Variants in PLEKHM2 observed in about 807,000 individuals in gnomAD.
PLEKHM2 encodes the protein pleckstrin homology domain-containing family M member 2.
In PLEKHM2, 77 loss-of-function variants were observed where a neutral mutation model predicts 116.3. The ratio of observed to expected loss-of-function variants is 0.66; its 90% CI spans 0.55 to 0.80. The LOEUF is 0.80. Among genes scored for constraint, PLEKHM2 ranks in the 30% least tolerant of loss-of-function variants. PLEKHM2 has a pLI of 0.00. For synonymous variants in PLEKHM2, 562 were observed against 571.0 expected (o/e 0.98, Z 0.22); for missense variants, 1,183 against 1,354.9 (o/e 0.87, Z 1.99).
rs937376028 is a variant in PLEKHM2 at position 15,728,811 on chromosome 1, C to T, written c.1986+78C>T. ...GCCACTTACCCATAGAACTGCAGGG[C>T]GAGGCACGGCCCCTTACTCCCCTCC... On this transcript the variant is annotated intron_variant, in intron 12 of 19. Transcript: ENST00000375799. The surrounding 1 kb of genome is among the most constrained non-coding windows in gnomAD (Gnocchi z 5.9). 3.4e-5 allele frequency: 45 copies of T among 1,308,126 alleles called. No homozygotes were observed. The highest frequency in any genetic ancestry group is 2.3e-4 in the African/African-American group (16 of 68,364). The allele number at this position is 1,308,126 out of a possible 1,614,324, so 81.0% of individuals were successfully genotyped here. A position where few individuals can be genotyped will look rare whatever the true frequency, so the allele number is the denominator to read the frequency against.
chr1:15,732,295 T>C (rs2068155616), intron 17 of PLEKHM2, 55 bp from the exon 18 acceptor site: 8 of 1,414,480 alleles, frequency 5.7e-6, no homozygotes, highest in South Asian at 2.6e-5. Flanking sequence ...TGTGGACTTC[T>C]GGTGCAGACC....
chr1:15,725,275 G>C (rs779811678), intron 7 of PLEKHM2, 42 bp from the exon 8 acceptor site: 12 of 1,456,896 alleles, frequency 8.2e-6, no homozygotes, highest in Non-Finnish European at 1.1e-5. Context: ...GGGACCCCGG[G>C]GGGTGCCTGA....
chr1:15,695,165 TC>T (rs1281252990), intron 1 of PLEKHM2, among the ~76,000 whole-genome samples: 10 of 152,288 alleles, frequency 6.6e-5, no homozygotes, highest in African/African-American at 1.7e-4. Context: ...ATTCCCTTCC[TC>T]CCCAGATAAC....
At chr1:15,694,490 C>T (rs757355732) in intron 1 of PLEKHM2, among the ~76,000 whole-genome samples, 3 of 152,164 alleles carry the variant, frequency 2.0e-5, no homozygotes, top group Non-Finnish European at 2.9e-5. Flanking sequence ...GCAGCAGGGC[C>T]GGTTGGTTTG....
chr1:15,732,199 G>A (rs1557663924), intron 17 of PLEKHM2, 151 bp downstream of exon 17: 2 of 926,998 alleles, frequency 2.2e-6, no homozygotes, highest in Non-Finnish European at 3.2e-6. Context: ...GAGCTCAGAG[G>A]CATCACCCCC....
intron 1 of PLEKHM2, among the ~76,000 whole-genome samples, chr1:15,713,991 G>A (rs1641391011): frequency 6.6e-6 from 1 of 150,528 alleles, no homozygotes; most frequent in African/African-American, 2.5e-5. Context: ...GCCCAGGCTG[G>A]AGTGCAGTGG....
chr1:15,706,176 T>C (rs916341231), intron 1 of PLEKHM2, among the ~76,000 whole-genome samples: 1 of 152,156 alleles, frequency 6.6e-6, no homozygotes, highest in African/African-American at 2.4e-5. Context: ...ATCAAACTGG[T>C]AATGAAACGC....
rs751266504 is a variant in PLEKHM2, at chr1:15,730,616, T to C, written c.2293T>C (p.Cys765Arg). ...GTCCCTGGGCCCCACGCCCTGCCACTGCTCACCCCCCGAGGGCACCATCAC... is the reference window on the plus strand; with the variant it reads ...GTCCCTGGGCCCCACGCCCTGCCACCGCTCACCCCCCGAGGGCACCATCAC... ...DESLGPTPCH[C>R]SPPEGTITKE... The change falls in exon 15 of 20, where the codon TGC becomes CGC. Residue 765 changes from cysteine (C) to arginine (R), a missense_variant. Cys to Arg is a radical substitution (Grantham distance 180). Coordinates refer to ENST00000375799, the MANE Select transcript of PLEKHM2 (RefSeq NM_015164.4). 2 of 1,608,006 alleles carry C rather than the reference T, an allele frequency of 1.2e-6. No homozygotes were observed. The highest frequency in any genetic ancestry group is 1.7e-6 in the Non-Finnish European group (2 of 1,177,802).
chr1:15,730,447 G>GAAA, intron 14 of PLEKHM2, 85 bp from the exon 15 acceptor site: 21 of 1,005,454 alleles, frequency 2.1e-5, no homozygotes, highest in South Asian at 3.6e-5. Flanking sequence ...ATCTCAAAAA[G>GAAA]AAAAAAAAAG....
chr1:15,733,851 G>A lies in PLEKHM2; in HGVS notation c.2977G>A (p.Asp993Asn). The change falls in exon 20 of 20, where the codon GAT becomes AAT. Residue 993 changes from aspartate (D) to asparagine (N), a missense_variant. Around this residue, in one of 3 missense-constraint regions of PLEKHM2, gnomAD observed 594 missense variants for 720.1 expected, o/e 0.82. Coordinates refer to ENST00000375799, the MANE Select transcript of PLEKHM2 (RefSeq NM_015164.4). The part of the protein sequence containing the change: ...QEASNKKKFE[D>N]ALSLIHSAWQ... ...AGCCTCCAACAAGAAGAAATTCGAG[G>A]ATGCCTTGAGCCTCATCCACAGCGC... is the stretch of plus-strand genomic sequence containing the variant. 6.2e-7 allele frequency: 1 copy of A among 1,613,114 alleles called. No individual in the cohort carries two copies.
chr1:15,716,825 T>A lies in PLEKHM2; in HGVS notation c.277+9T>A. The A allele has an allele frequency of 6.4e-7, 1 of 1,556,300 alleles. No individual in the cohort carries two copies. Among genetic ancestry groups the A allele is most frequent in the East Asian group, 2.4e-5 (1 of 41,326 alleles). On this transcript the variant is annotated intron_variant, in intron 3 of 19. Coordinates refer to ENST00000375799, the MANE Select transcript of PLEKHM2 (RefSeq NM_015164.4). ...CACCAACCTGGGGCGCAGTGAGTAG[T>A]CACAAGGAGACGCTGGGGAAGGGAC...
chr1:15,721,206 A>C lies in PLEKHM2; in HGVS notation c.653-123A>C, dbSNP rs549372184. On this transcript the variant is annotated intron_variant, in intron 6 of 19. Transcript: ENST00000375799. This position sits in a 1 kb window ranked among gnomAD's most constrained non-coding sequence, Gnocchi z 5.1. ...CCAAGGTTGTTGGATACAATGTAGA[A>C]AGTTGAAGTTTTCCTCTCCTATTTT... 3.6e-4 allele frequency: 246 copies of C among 682,930 alleles called. No homozygotes were observed. The African/African-American group carries it at 3.8e-3, about 11-fold the overall frequency. The allele number at this position is 682,930 out of a possible 1,614,324, so 42.3% of individuals were successfully genotyped here.
chr1:15,732,709 G>A lies in PLEKHM2; in HGVS notation c.2903G>A (p.Gly968Glu), dbSNP rs1320812981. 1.2e-6 allele frequency: 2 copies of A among 1,608,504 alleles called. No individual in the cohort carries two copies. The highest frequency in any genetic ancestry group is 4.5e-5 in the East Asian group (2 of 44,762). ...LDRLLSALNSGWKTIYQVDLP... is the reference protein window; with the variant it reads ...LDRLLSALNSEWKTIYQVDLP... ...CGATTGCTGTCTGCACTGAACTCTG[G>A]GTGGAAAACCATCTATCAGGTACCC... Residue 968 changes from glycine (G) to glutamate (E), a missense_variant, in exon 19 of 20, where the codon GGG (glycine) becomes GAG (glutamate). Coordinates refer to ENST00000375799, the MANE Select transcript of PLEKHM2 (RefSeq NM_015164.4).
chr1:15,700,565 A>G (rs1446366305), intron 1 of PLEKHM2, among the ~76,000 whole-genome samples: 2 of 152,196 alleles, frequency 1.3e-5, no homozygotes, highest in East Asian at 1.9e-4. Context: ...TCATTCACTG[A>G]TAACTTCTCC....
intron 1 of PLEKHM2, among the ~76,000 whole-genome samples, chr1:15,712,942 A>C (rs1169395294): frequency 1.3e-5 from 2 of 152,128 alleles, no homozygotes; most frequent in South Asian, 2.1e-4. Flanking sequence ...CTGGGATTAC[A>C]GGAATGTGCC....
chr1:15,729,111 G>T lies in PLEKHM2; in HGVS notation c.1996G>T (p.Asp666Tyr). Residue 666 changes from aspartate (D) to tyrosine (Y), a missense_variant, in exon 13 of 20, where the codon GAC becomes TAC. This residue lies in a region of PLEKHM2 where 594 missense variants were observed against 720.1 expected (regional missense o/e 0.82). Transcript: ENST00000375799. This position sits in a 1 kb window ranked among gnomAD's most constrained non-coding sequence, Gnocchi z 4.7. ...NELDYVSVGL[D>Y]QQTVKLVCTN... ...GTGTGGTTTCTGGCAGGTTGGCCTT[G>T]ACCAGCAGACGGTGAAGCTGGTGTG... 6.2e-7 allele frequency: 1 copy of T among 1,609,020 alleles called. No homozygotes were observed. Among genetic ancestry groups the T allele is most frequent in the Non-Finnish European group, 8.5e-7 (1 of 1,177,926 alleles).
Position 15,733,890 on chromosome 1 carries a change from G to A in PLEKHM2, c.3016G>A (p.Asp1006Asn), listed in dbSNP as rs200317823. Residue 1006 changes from aspartate (D) to asparagine (N), a missense_variant, in exon 20 of 20, where the codon GAC becomes AAC. Physicochemically the swap from Asp to Asn is conservative, Grantham distance 23 (BLOSUM62 1). Around this residue, in one of 3 missense-constraint regions of PLEKHM2, gnomAD observed 594 missense variants for 720.1 expected, o/e 0.82. Transcript: ENST00000375799. ...CATCCACAGCGCCTGGCAGCGGAGC[G>A]ACAGTCTCTGCCGCGGCCGAGCCTC... The part of the protein sequence containing the change: ...SLIHSAWQRS[D>N]SLCRGRASRD... 13 of 1,612,870 alleles carry A rather than the reference G, an allele frequency of 8.1e-6. No individual in the cohort carries two copies. The highest frequency in any genetic ancestry group is 4.5e-5 in the East Asian group (2 of 44,868).
chr1:15,731,385 G>A, intron 16 of PLEKHM2, 128 bp downstream of exon 16: 1 of 738,850 alleles, frequency 1.4e-6, no homozygotes, highest in Non-Finnish European at 2.4e-6. Flanking sequence ...GCCCTGACAG[G>A]TGGCCTGGGG....
At chr1:15,708,869 A>G (rs1252411638) in intron 1 of PLEKHM2, among the ~76,000 whole-genome samples, 1 of 152,186 alleles carries the variant, frequency 6.6e-6, no homozygotes, top group Non-Finnish European at 1.5e-5. Context: ...TACGTTTGAA[A>G]AGTGTGTCAT....
Sources: gnomAD v4.1 joint callset for allele counts (sites outside exome capture counted in the v4.1 genomes callset) on GRCh38, gnomAD v4.1.1 for gene constraint, gnomAD v4.1.1 regional missense constraint, Gnocchi (gnomAD v3.1) non-coding constraint, MANE v1.5 for transcripts, NCBI Gene and HGNC (gene_info 2026-07-23, HGNC 2026-07-21) for gene names.